Variants in FAT3 observed in about 807,000 individuals in gnomAD.
The protein encoded by FAT3 is protocadherin Fat 3.
Under a neutral mutation model 310.2 loss-of-function variants are expected in FAT3, and 95 were observed. That is an observed-to-expected ratio of 0.31 (90% CI 0.26 to 0.36). The LOEUF is 0.36. Among genes scored for constraint, FAT3 ranks in the 10% least tolerant of loss-of-function variants. FAT3 has a pLI of 1.00. For synonymous variants in FAT3, 2,314 were observed against 2,192.9 expected, an observed-to-expected ratio of 1.06 and a Z score of -1.54; for missense variants, 5,408 against 5,715.6, an observed-to-expected ratio of 0.95 and a Z score of 1.74.
At chr11:92,739,995 T>C (rs1221686100) in intron 4 of FAT3, among the ~76,000 whole-genome samples, 1 of 152,184 alleles carries the variant, frequency 6.6e-6, no homozygotes, top group Non-Finnish European at 1.5e-5. Context: ...AGTACAACTA[T>C]CTGGGCAATG....
intron 3 of FAT3, among the ~76,000 whole-genome samples, chr11:92,684,449 A>G (rs1000962366): frequency 6.6e-5 from 10 of 152,140 alleles, no homozygotes; most frequent in Non-Finnish European, 4.4e-5. Context: ...TAAATTTGCC[A>G]TGGGGTGTGC....
At chr11:92,768,021 G>A (rs569122923) in intron 6 of FAT3, among the ~76,000 whole-genome samples, 2 of 152,300 alleles carry the variant, frequency 1.3e-5, no homozygotes, top group South Asian at 4.1e-4. Context: ...GCAGTTTACA[G>A]ATGAGAGCTC....
intron 2 of FAT3, among the ~76,000 whole-genome samples, chr11:92,457,899 G>A (rs1951535243): frequency 6.6e-6 from 1 of 152,116 alleles, no homozygotes; most frequent in Non-Finnish European, 1.5e-5. Context: ...TCCAGCCTGG[G>A]CTACAAAGCG....
intron 10 of FAT3, among the ~76,000 whole-genome samples, chr11:92,804,913 C>T (rs1052261527): frequency 6.6e-6 from 1 of 152,216 alleles, no homozygotes; most frequent in Non-Finnish European, 1.5e-5. Flanking sequence ...TCATCTCCAG[C>T]TTCTCTAAGT....
intron 2 of FAT3, among the ~76,000 whole-genome samples, chr11:92,413,372 T>C (rs1390353291): frequency 2.6e-5 from 4 of 152,220 alleles, no homozygotes; most frequent in Non-Finnish European, 5.9e-5. Flanking sequence ...GTTTAGCAAA[T>C]GGTGGTTATT....
At chr11:92,350,523 CTTAA>C (rs746449550) in intron 1 of FAT3, among the ~76,000 whole-genome samples, 10 of 151,930 alleles carry the variant, frequency 6.6e-5, no homozygotes, top group Admixed American at 2.0e-4. Flanking sequence ...TTCTAGGATC[CTTAA>C]TTATTTCATT....
At chr11:92,321,855 C>T (rs1381674642) in intron 1 of FAT3, among the ~76,000 whole-genome samples, 1 of 152,104 alleles carries the variant, frequency 6.6e-6, no homozygotes, top group Non-Finnish European at 1.5e-5. Context: ...AAATGTTTTT[C>T]GTAAACTCCT....
intron 3 of FAT3, among the ~76,000 whole-genome samples, chr11:92,696,121 CAT>C (rs34777243): frequency 0.45 from 68,320 of 150,826 alleles, 15,880 homozygotes; most frequent in Non-Finnish European, 0.48. Context: ...ATATATATAC[CAT>C]GTGTATATAT....
intron 3 of FAT3, among the ~76,000 whole-genome samples, chr11:92,604,434 TC>T (rs1440126995): frequency 2.0e-5 from 3 of 152,192 alleles, no homozygotes; most frequent in African/African-American, 7.2e-5. Flanking sequence ...GATTATCTTT[TC>T]TGCAGGTGAT....
At chr11:92,244,868 T>C (rs1384413340) in intron 1 of FAT3, among the ~76,000 whole-genome samples, 3 of 152,046 alleles carry the variant, frequency 2.0e-5, no homozygotes, top group African/African-American at 7.2e-5. Flanking sequence ...TGTGGAGAAA[T>C]AGGAACGCTT....
chr11:92,491,469 G>A (rs971747255), intron 2 of FAT3, among the ~76,000 whole-genome samples: 1 of 151,980 alleles, frequency 6.6e-6, no homozygotes, highest in African/African-American at 2.4e-5. Context: ...GGAGAATGGG[G>A]ATACTACAAC....
rs374741231 is a variant in FAT3, at chr11:92,835,074, C to T, written c.10076C>T (p.Ser3359Phe). The T allele has an allele frequency of 6.2e-7, 1 of 1,611,982 alleles. No individual in the cohort carries two copies. Among genetic ancestry groups the T allele is most frequent in the African/African-American group, 1.3e-5 (1 of 74,898 alleles). ...AGTGAAGACGCCTTGGTGGGAGACTCTGTCATTTTGGTAGGTACCTGGGGT... is the reference window on the plus strand; with the variant it reads ...AGTGAAGACGCCTTGGTGGGAGACTTTGTCATTTTGGTAGGTACCTGGGGT... ...VISEDALVGD[S>F]VILLIAEDVD... Residue 3359 changes from serine (S) to phenylalanine (F), a missense_variant, in exon 15 of 28, where the codon TCT becomes TTT. Physicochemically the swap from Ser to Phe is radical, Grantham distance 155 (BLOSUM62 -2). Coordinates refer to ENST00000525166, the MANE Select transcript of FAT3 (RefSeq NM_001367949.2).
Position 92,801,386 on chromosome 11 carries a change from A to G in FAT3, c.8373A>G (p.Lys2791=), listed in dbSNP as rs546580165. The G allele has an allele frequency of 2.6e-4, 423 of 1,613,970 alleles. 7 individuals carry two copies. In the South Asian group the frequency reaches 4.5e-3, roughly 17 times the overall value. ...FKVAATIPLD[K]VDIVFTVDVD... is the part of the protein sequence containing the mutation. ...TAGCAGCCACTATACCCCTGGACAA[A>G]GTAGACATTGTGTTTACTGTGGATG... Residue 2791 remains lysine (K), a synonymous_variant, in exon 10 of 28, where the codon AAA becomes AAG. Transcript: ENST00000525166.
At chr11:92,842,649 A>T (rs1948581320) in intron 18 of FAT3, among the ~76,000 whole-genome samples, 1 of 152,186 alleles carries the variant, frequency 6.6e-6, no homozygotes, top group African/African-American at 2.4e-5. Context: ...AGGCAGGAGG[A>T]TTGCTTGTGC....
chr11:92,697,907 C>T (rs952273312), intron 4 of FAT3, among the ~76,000 whole-genome samples: 2 of 152,058 alleles, frequency 1.3e-5, no homozygotes, highest in Admixed American at 1.3e-4. Flanking sequence ...TTGCTGAAAC[C>T]ATAAAATGGA....
At chr11:92,369,351 A>T (rs538491394) in intron 2 of FAT3, among the ~76,000 whole-genome samples, 4 of 152,272 alleles carry the variant, frequency 2.6e-5, no homozygotes, top group Admixed American at 2.6e-4. Flanking sequence ...GGGCCAGGCC[A>T]CAAAGTCTAG....
In FAT3 at chr11:92,892,976, G is replaced by T. The variant is rs1949949397; in HGVS notation, c.*1863G>T. ...TGTGCAGTGGCCATGGTAAATATAT[G>T]CATATTTGCACTATCTGCTTAATGA... On this transcript the variant is annotated 3_prime_UTR_variant, in exon 28 of 28. Transcript: ENST00000525166. The T allele has an allele frequency of 6.6e-6, 1 of 152,134 alleles. No homozygotes were observed. The highest frequency in any genetic ancestry group is 1.5e-5 in the Non-Finnish European group (1 of 68,016). The allele number at this position is 152,134 out of a possible 1,614,324, so 9.4% of individuals were successfully genotyped here. A position where few individuals can be genotyped will look rare whatever the true frequency, so the allele number is the denominator to read the frequency against.
chr11:92,527,196 C>T (rs1021387922), intron 3 of FAT3, among the ~76,000 whole-genome samples: 1 of 152,138 alleles, frequency 6.6e-6, no homozygotes, highest in Non-Finnish European at 1.5e-5. Flanking sequence ...AACTACGAAA[C>T]ACCATAGAAC....
intron 3 of FAT3, among the ~76,000 whole-genome samples, chr11:92,525,318 C>T (rs1488716933): frequency 6.6e-6 from 1 of 152,196 alleles, no homozygotes; most frequent in Non-Finnish European, 1.5e-5. Context: ...GCCTCTACCT[C>T]TAGACACTTC....
Sources: gnomAD v4.1 joint callset for allele counts (sites outside exome capture counted in the v4.1 genomes callset) on GRCh38, gnomAD v4.1.1 for gene constraint, MANE v1.5 for transcripts, NCBI Gene and HGNC (gene_info 2026-07-23, HGNC 2026-07-21) for gene names.